BABAM2: variants seen among roughly 807,000 people sequenced by gnomAD.
BABAM2 encodes the protein BRISC and BRCA1 A complex member 2.
In BABAM2, 31 loss-of-function variants were observed where a neutral mutation model predicts 54.7. That is an observed-to-expected ratio of 0.57 (90% CI 0.43 to 0.77). BABAM2 has a LOEUF of 0.77. Ranked by LOEUF, BABAM2 falls within the 30% of genes least tolerant of loss-of-function variation. The probability of loss-of-function intolerance (pLI) is 0.00; values close to 1 mark genes in which losing one functional copy is unlikely to be tolerated. For synonymous variants in BABAM2, 167 were observed against 162.9 expected (o/e 1.03, Z -0.19); for missense variants, 364 against 455.8 (o/e 0.80, Z 1.83).
At chr2:28,045,917 A>T in intron 6 of BABAM2, 118 bp downstream of exon 6, 1 of 804,646 alleles carries the variant, frequency 1.2e-6, no homozygotes, top group East Asian at 2.9e-5. Context: ...TTCTATTAAA[A>T]ATATTTCTTA....
intron 6 of BABAM2, among the ~76,000 whole-genome samples, chr2:28,069,628 G>T (rs1012734995): frequency 2.0e-5 from 3 of 152,126 alleles, no homozygotes; most frequent in Admixed American, 2.0e-4. Context: ...ATTGACTGCC[G>T]AGTAAATGCA....
intron 7 of BABAM2, among the ~76,000 whole-genome samples, chr2:28,165,032 A>C (rs1325226447): frequency 6.6e-6 from 1 of 152,088 alleles, no homozygotes; most frequent in Non-Finnish European, 1.5e-5. Context: ...TCCTTCATTC[A>C]AGAAATATTT....
chr2:27,944,002 A>G (rs1450167637), intron 3 of BABAM2, among the ~76,000 whole-genome samples: 1 of 152,152 alleles, frequency 6.6e-6, no homozygotes, highest in Middle Eastern at 3.2e-3. Context: ...AATAGCAACT[A>G]ATATTATTAA....
At chr2:28,201,441 G>A (rs900347885) in intron 7 of BABAM2, among the ~76,000 whole-genome samples, 1 of 152,050 alleles carries the variant, frequency 6.6e-6, no homozygotes, top group African/African-American at 2.4e-5. Context: ...CAAGTGGGAT[G>A]CCAAGAGAGA....
chr2:28,044,266 G>A (rs911290972), intron 5 of BABAM2, among the ~76,000 whole-genome samples: 4 of 152,186 alleles, frequency 2.6e-5, no homozygotes, highest in African/African-American at 9.7e-5. Context: ...TTTCGCTCTT[G>A]TTGCCGAGGC....
intron 6 of BABAM2, among the ~76,000 whole-genome samples, chr2:28,082,389 C>G (rs529901498): frequency 1.3e-5 from 2 of 152,288 alleles, no homozygotes; most frequent in Admixed American, 1.3e-4. Context: ...AATATGTCAT[C>G]TGAATTCTGT....
intron 7 of BABAM2, among the ~76,000 whole-genome samples, chr2:28,131,076 A>C (rs74175072): frequency 2.0e-4 from 1 of 5,126 alleles, no homozygotes; most frequent in Non-Finnish European, 3.8e-4. Flanking sequence ...TATTATTATT[A>C]TTATTTTTTT....
intron 6 of BABAM2, among the ~76,000 whole-genome samples, chr2:28,112,147 T>TTCTTTCTTTCTTTCTTTCTTTCCC (rs1558346715): frequency 1.5e-3 from 8 of 5,244 alleles, no homozygotes; most frequent in Admixed American, 4.8e-3. Flanking sequence ...CTTTCTTTCT[T>TTCTTTCTTTCTTTCTTTCTTTCCC]TACCTCCCTC....
chr2:28,230,548 C>A (rs1259550043), intron 7 of BABAM2, among the ~76,000 whole-genome samples: 2 of 117,496 alleles, frequency 1.7e-5, no homozygotes, highest in African/African-American at 3.3e-5. Flanking sequence ...AACTCCTTCC[C>A]TACTAAAAAT....
chr2:28,269,220 G>A (rs563962694), intron 10 of BABAM2, among the ~76,000 whole-genome samples: 6 of 152,164 alleles, frequency 3.9e-5, no homozygotes, highest in African/African-American at 1.4e-4. Context: ...CTGGCAAACT[G>A]TCTGTAAATA....
chr2:28,213,225 CAA>C (rs754472524), intron 7 of BABAM2, among the ~76,000 whole-genome samples: 2 of 129,158 alleles, frequency 1.5e-5, no homozygotes. Context: ...GACCCTGTCT[CAA>C]AAAAAAAAAA....
chr2:28,240,110 T>C (rs1682276851), intron 8 of BABAM2, among the ~76,000 whole-genome samples: 1 of 139,454 alleles, frequency 7.2e-6, no homozygotes, highest in South Asian at 2.2e-4. Flanking sequence ...TTCTTTTTTC[T>C]TTTTTTTTTT....
At chr2:27,993,955 G>GC (rs1672953696) in intron 4 of BABAM2, among the ~76,000 whole-genome samples, 1 of 152,196 alleles carries the variant, frequency 6.6e-6, no homozygotes, top group African/African-American at 2.4e-5. Context: ...GAAATGGACT[G>GC]CATGTCACAC....
chr2:28,226,081 G>A (rs139783901), intron 7 of BABAM2, among the ~76,000 whole-genome samples: 300 of 152,142 alleles, frequency 2.0e-3, no homozygotes, highest in Non-Finnish European at 3.3e-3. Flanking sequence ...TTCATGACTC[G>A]TAAAAATTAC....
intron 7 of BABAM2, among the ~76,000 whole-genome samples, chr2:28,205,308 T>G (rs1006442492): frequency 1.3e-5 from 2 of 152,002 alleles, no homozygotes; most frequent in Admixed American, 6.6e-5. Context: ...AAGACCATCC[T>G]GGCCAACATG....
rs578184471 is a variant in BABAM2 at position 28,274,835 on chromosome 2, T to C, written c.935-23503T>C. Among the ~76,000 whole-genome samples, 79 of 152,314 alleles carry C rather than the reference T, an allele frequency of 5.2e-4. 1 individual carries two copies. The highest frequency in any genetic ancestry group is 1.7e-3 in the African/African-American group (71 of 41,582). ...CCCTGAGAGGTAAATGGTGTGACTC[T>C]TCCCATTTTGCAAATGAGAAAAGAG... On this transcript the variant is annotated intron_variant, in intron 10 of 11. Transcript: ENST00000379624.
At chr2:28,096,937 A>G (rs1477040068) in intron 6 of BABAM2, among the ~76,000 whole-genome samples, 1 of 152,214 alleles carries the variant, frequency 6.6e-6, no homozygotes, top group Admixed American at 6.5e-5. Flanking sequence ...ACCAACTTAC[A>G]GGATTCCCAA....
intron 2 of BABAM2, among the ~76,000 whole-genome samples, chr2:27,917,273 C>T (rs995790279): frequency 6.6e-6 from 1 of 152,092 alleles, no homozygotes; most frequent in Non-Finnish European, 1.5e-5. Flanking sequence ...GCCTCATCCT[C>T]CCAAAATGGT....
chr2:28,108,050 T>G (rs1667679122), intron 6 of BABAM2, among the ~76,000 whole-genome samples: 2 of 152,210 alleles, frequency 1.3e-5, no homozygotes, highest in African/African-American at 4.8e-5. Context: ...TTAGGAGGAT[T>G]ATTTTGCTGT....
Sources: gnomAD v4.1 joint callset for allele counts (sites outside exome capture counted in the v4.1 genomes callset) on GRCh38, gnomAD v4.1.1 for gene constraint, MANE v1.5 for transcripts, NCBI Gene and HGNC (gene_info 2026-07-23, HGNC 2026-07-21) for gene names.